UBA6: variants seen among roughly 807,000 people sequenced by gnomAD.
The protein encoded by UBA6 is ubiquitin-like modifier-activating enzyme 6.
UBA6 carries 87 observed loss-of-function variants against 148.3 expected under a neutral mutation model. The observed-to-expected ratio is 0.59, with a 90% CI of 0.49 to 0.70. UBA6 has a LOEUF of 0.70. UBA6 is among the 30% of genes least tolerant of loss of function. The pLI, the probability that UBA6 is intolerant of heterozygous loss-of-function variation, is 0.00. For synonymous variants in UBA6, 376 were observed against 401.0 expected, an observed-to-expected ratio of 0.94 and a Z score of 0.75; for missense variants, 1,186 against 1,241.2, an observed-to-expected ratio of 0.96 and a Z score of 0.67.
At chr4:67,663,413 G>A in intron 11 of UBA6, 198 bp from the exon 12 acceptor site, 1 of 453,092 alleles carries the variant, frequency 2.2e-6, no homozygotes, top group South Asian at 5.5e-5. Flanking sequence ...GAAGGTAAAT[G>A]ATCTAATCCC....
In UBA6 at chr4:67,613,173, A is replaced by G. The variant is rs1439269359; in HGVS notation, c.*5824T>C. On this transcript the variant is annotated 3_prime_UTR_variant, in exon 33 of 33. Transcript: ENST00000322244. Reference sequence around the variant, plus strand: ...GGAAAATTTCAGTATCTGAAACTGGATCAAAATAATCCTAAATTACTAATG... The same window carrying G: ...GGAAAATTTCAGTATCTGAAACTGGGTCAAAATAATCCTAAATTACTAATG... 2 of 152,236 alleles carry G rather than the reference A, an allele frequency of 1.3e-5. No individual in the cohort carries two copies. The highest frequency in any genetic ancestry group is 2.9e-5 in the Non-Finnish European group (2 of 68,044). 9.4% of individuals were successfully genotyped at this position (152,236 alleles called of 1,614,324 possible).
At chr4:67,682,319 G>C (rs992983738) in intron 2 of UBA6, 106 bp from the exon 3 acceptor site, 2 of 746,334 alleles carry the variant, frequency 2.7e-6, no homozygotes, top group African/African-American at 3.6e-5. Flanking sequence ...CCGGCCCACA[G>C]ACTTGTTATG....
intron 6 of UBA6, among the ~76,000 whole-genome samples, chr4:67,674,335 T>C (rs576318574): frequency 2.0e-5 from 3 of 152,282 alleles, no homozygotes; most frequent in East Asian, 1.9e-4. Flanking sequence ...TACCGCTCTT[T>C]ACTTGAGGTC....
intron 13 of UBA6, among the ~76,000 whole-genome samples, chr4:67,657,183 T>C (rs1467908141): frequency 1.3e-5 from 2 of 152,180 alleles, no homozygotes; most frequent in Admixed American, 6.5e-5. Flanking sequence ...AAAAAACTAC[T>C]TTAAAGTTCA....
At chr4:67,666,426 G>A (rs953802447) in intron 9 of UBA6, among the ~76,000 whole-genome samples, 2 of 151,082 alleles carry the variant, frequency 1.3e-5, no homozygotes, top group Non-Finnish European at 1.5e-5. Context: ...AAAGTAGACA[G>A]AATGGTCAGC....
chr4:67,625,204 G>C lies in UBA6; in HGVS notation c.2519-17C>G, dbSNP rs1395257179. The C allele has an allele frequency of 6.4e-7, 1 of 1,566,850 alleles. No individual in the cohort carries two copies. The highest frequency in any genetic ancestry group is 8.7e-7 in the Non-Finnish European group (1 of 1,152,012). ...GAAGGTCACCTGATTATACCAACCA[G>C]ATAAACAAAGTTCCACAGCAAGCAG... On this transcript the variant is annotated splice_polypyrimidine_tract_variant and intron_variant, in intron 28 of 32. Coordinates refer to ENST00000322244, the MANE Select transcript of UBA6 (RefSeq NM_018227.6).
intron 25 of UBA6, 36 bp downstream of exon 25, chr4:67,631,672 A>T: frequency 6.8e-7 from 1 of 1,460,964 alleles, no homozygotes; most frequent in Non-Finnish European, 9.4e-7. Context: ...AGAAATATAT[A>T]ATGAAGGATA....
intron 19 of UBA6, chr4:67,638,069 C>T (rs1729209668): frequency 6.6e-6 from 1 of 151,954 alleles, no homozygotes; most frequent in Non-Finnish European, 1.5e-5. Flanking sequence ...GCAAGAAAAA[C>T]AGAACTTCCT....
chr4:67,626,492 A>T lies in UBA6; in HGVS notation c.2401-15T>A, dbSNP rs371912068. ...GTTTGAACAACCTTTGAATATATGA[A>T]TATATTTTTATTAATGTTATCATTT... On this transcript the variant is annotated splice_polypyrimidine_tract_variant and intron_variant, in intron 27 of 32. Transcript: ENST00000322244. 3.4e-6 allele frequency: 5 copies of T among 1,458,252 alleles called. No homozygotes were observed. The African/African-American group carries it at 7.1e-5, about 21-fold the overall frequency. 90.3% of individuals were successfully genotyped at this position (1,458,252 alleles called of 1,614,324 possible).
intron 20 of UBA6, 56 bp from the exon 21 acceptor site, chr4:67,634,574 T>C (rs1259611902): frequency 1.5e-6 from 2 of 1,296,036 alleles, no homozygotes; most frequent in African/African-American, 1.5e-5. Flanking sequence ...CCAATTTTTA[T>C]TGATTTAATC....
chr4:67,693,375 T>A (rs1433011297), intron 2 of UBA6, among the ~76,000 whole-genome samples: 1 of 151,848 alleles, frequency 6.6e-6, no homozygotes, highest in African/African-American at 2.4e-5. Context: ...ATATTAAAAA[T>A]GTGTGTTAAT....
At chr4:67,670,628 T>A in intron 7 of UBA6, 36 bp from the exon 8 acceptor site, 1 of 1,542,102 alleles carries the variant, frequency 6.5e-7, no homozygotes. Context: ...ATCTTATTTA[T>A]ATAAAGAAAA....
intron 16 of UBA6, 103 bp from the exon 17 acceptor site, chr4:67,644,881 A>G (rs1729387576): frequency 3.8e-6 from 2 of 528,802 alleles, no homozygotes; most frequent in Admixed American, 3.6e-5. Context: ...GTTTCAACGA[A>G]AAAAAAAAGT....
intron 13 of UBA6, among the ~76,000 whole-genome samples, chr4:67,660,166 C>T (rs1235657375): frequency 2.0e-5 from 3 of 152,266 alleles, no homozygotes; most frequent in South Asian, 2.1e-4. Flanking sequence ...GGAAAATTTG[C>T]AGCCTGATGA....
chr4:67,631,817 A>C (rs1364180024), intron 24 of UBA6, 40 bp downstream of exon 24: 3 of 1,610,602 alleles, frequency 1.9e-6, no homozygotes, highest in Non-Finnish European at 2.5e-6. Flanking sequence ...GTAGCCAGTA[A>C]TAAATGTCAT....
chr4:67,631,621 G>T, intron 25 of UBA6, 87 bp downstream of exon 25: 1 of 999,468 alleles, frequency 1.0e-6, no homozygotes, highest in Non-Finnish European at 1.5e-6. Context: ...AAGAGCCTAA[G>T]GTTTTCACTC....
At chr4:67,657,548 T>G (rs1729730172) in intron 13 of UBA6, among the ~76,000 whole-genome samples, 1 of 152,102 alleles carries the variant, frequency 6.6e-6, no homozygotes, top group Non-Finnish European at 1.5e-5. Flanking sequence ...AAGAATTAAA[T>G]GTAAGATCTA....
Position 67,649,222 on chromosome 4 carries a change from A to G in UBA6, c.1105-11T>C. On this transcript the variant is annotated splice_polypyrimidine_tract_variant and intron_variant, in intron 13 of 32. Coordinates refer to ENST00000322244, the MANE Select transcript of UBA6 (RefSeq NM_018227.6). The stretch of plus-strand genomic sequence containing the variant: ...AGCATTTACATCAGGCTAAAACAAA[A>G]GCCATAAAAGACAATAACATTAACA... The G allele has an allele frequency of 6.3e-7, 1 of 1,596,462 alleles. No individual in the cohort carries two copies. Among genetic ancestry groups the G allele is most frequent in the South Asian group, 1.2e-5 (1 of 86,910 alleles).
chr4:67,624,102 A>C (rs1263181783), intron 30 of UBA6, 24 bp downstream of exon 30: 1 of 1,524,932 alleles, frequency 6.6e-7, no homozygotes, highest in East Asian at 2.3e-5. Context: ...TCATTATACA[A>C]GAGAAATAGA....
Sources: gnomAD v4.1 joint callset for allele counts (sites outside exome capture counted in the v4.1 genomes callset) on GRCh38, gnomAD v4.1.1 for gene constraint, MANE v1.5 for transcripts, NCBI Gene and HGNC (gene_info 2026-07-23, HGNC 2026-07-21) for gene names.